Variants in CSMD3 observed in about 807,000 individuals in gnomAD.
CSMD3 encodes the protein CUB and Sushi multiple domains 3.
A neutral mutation model predicts 435.2 loss-of-function variants in CSMD3; 177 were observed. The observed-to-expected ratio is 0.41, with a 90% confidence interval of 0.36 to 0.46. The LOEUF is 0.46. CSMD3 is among the 20% of genes least tolerant of loss of function. The probability of loss-of-function intolerance (pLI) is 0.34; values close to 1 mark genes in which losing one functional copy is unlikely to be tolerated. For missense variants in CSMD3, 4,265 were observed against 4,504.6 expected (o/e 0.95, Z 1.52); for synonymous variants, 1,656 against 1,520.5 (o/e 1.09, Z -2.07).
At chr8:112,316,491 A>C (rs1822483066) in intron 47 of CSMD3, among the ~76,000 whole-genome samples, 1 of 151,832 alleles carries the variant, frequency 6.6e-6, no homozygotes, top group Admixed American at 6.6e-5. Context: ...GGTATGATCC[A>C]ATATACTTTA....
At chr8:113,153,770 A>C (rs896720887) in intron 4 of CSMD3, among the ~76,000 whole-genome samples, 2 of 152,064 alleles carry the variant, frequency 1.3e-5, no homozygotes, top group African/African-American at 4.8e-5. Flanking sequence ...GAGTTGGATC[A>C]AAGCTATTCT....
chr8:112,776,574 G>T (rs1246218045), intron 13 of CSMD3, among the ~76,000 whole-genome samples: 1 of 151,424 alleles, frequency 6.6e-6, no homozygotes, highest in Non-Finnish European at 1.5e-5. Flanking sequence ...CCATTTTCTT[G>T]AACATTAATC....
chr8:112,381,394 T>C (rs1016160019), intron 37 of CSMD3, among the ~76,000 whole-genome samples: 3 of 152,234 alleles, frequency 2.0e-5, no homozygotes, highest in African/African-American at 7.2e-5. Context: ...ATTTCTTGAC[T>C]TTGCTATTGA....
intron 38 of CSMD3, among the ~76,000 whole-genome samples, chr8:112,377,764 A>G (rs1829084837): frequency 6.6e-6 from 1 of 152,134 alleles, no homozygotes; most frequent in Admixed American, 6.6e-5. Flanking sequence ...TGTATCAATG[A>G]ATGCAAAAAA....
At chr8:112,296,892 AATGAAGTGATAT>A (rs1820346571) in intron 53 of CSMD3, among the ~76,000 whole-genome samples, 1 of 151,944 alleles carries the variant, frequency 6.6e-6, no homozygotes, top group African/African-American at 2.4e-5. Flanking sequence ...CAATAACAGG[AATGAAGTGATAT>A]CACTATAAAG....
chr8:112,486,005 GA>G (rs1357455010), intron 31 of CSMD3, among the ~76,000 whole-genome samples: 1 of 147,958 alleles, frequency 6.8e-6, no homozygotes, highest in Non-Finnish European at 1.5e-5. Context: ...GTATTGAAAA[GA>G]ACAGAGCTAG....
At chr8:112,457,525 G>A (rs1816960663) in intron 32 of CSMD3, among the ~76,000 whole-genome samples, 2 of 152,050 alleles carry the variant, frequency 1.3e-5, no homozygotes, top group Admixed American at 6.6e-5. Flanking sequence ...TATATGAAAT[G>A]ATACAGTTCT....
chr8:112,429,018 C>T (rs956500648), intron 32 of CSMD3, among the ~76,000 whole-genome samples: 3 of 152,060 alleles, frequency 2.0e-5, no homozygotes, highest in African/African-American at 4.8e-5. Flanking sequence ...GCATATGCAT[C>T]ACCTCACAAA....
At chr8:113,042,502 A>T (rs1255800991) in intron 5 of CSMD3, among the ~76,000 whole-genome samples, 1 of 152,188 alleles carries the variant, frequency 6.6e-6, no homozygotes, top group East Asian at 1.9e-4. Context: ...GCATTATAAT[A>T]TAATCTAACG....
chr8:112,501,968 T>A (rs1586536089), intron 30 of CSMD3, among the ~76,000 whole-genome samples: 2 of 152,200 alleles, frequency 1.3e-5, no homozygotes. Flanking sequence ...ATACAAAATT[T>A]GTATGAAAAT....
At chr8:112,455,720 A>G (rs1475439547) in intron 32 of CSMD3, among the ~76,000 whole-genome samples, 1 of 152,066 alleles carries the variant, frequency 6.6e-6, no homozygotes, top group African/African-American at 2.4e-5. Context: ...TTTACAGATG[A>G]GGAAACTGAG....
At chr8:112,756,948 T>C (rs935436939) in intron 13 of CSMD3, among the ~76,000 whole-genome samples, 4 of 152,120 alleles carry the variant, frequency 2.6e-5, no homozygotes, top group African/African-American at 9.6e-5. Flanking sequence ...TTTGTATTTT[T>C]AGTAGAGACG....
intron 12 of CSMD3, among the ~76,000 whole-genome samples, chr8:112,804,230 A>G (rs57873127): frequency 0.011 from 1,646 of 152,262 alleles, 33 homozygotes; most frequent in African/African-American, 0.038. Flanking sequence ...CCAAATTCAA[A>G]TTAGAGGAAG....
At chr8:113,050,337 A>G (rs754608981) in intron 5 of CSMD3, among the ~76,000 whole-genome samples, 4 of 152,064 alleles carry the variant, frequency 2.6e-5, no homozygotes, top group Non-Finnish European at 4.4e-5. Context: ...TTTTAAACCT[A>G]TCACATTTAA....
chr8:113,335,439 C>A (rs2094064992), intron 1 of CSMD3, among the ~76,000 whole-genome samples: 1 of 150,354 alleles, frequency 6.7e-6, no homozygotes, highest in South Asian at 2.1e-4. Flanking sequence ...AATAATATTT[C>A]TCTATTATTT....
At chr8:113,169,173 G>A (rs1322268077) in intron 4 of CSMD3, among the ~76,000 whole-genome samples, 1 of 152,094 alleles carries the variant, frequency 6.6e-6, no homozygotes, top group African/African-American at 2.4e-5. Context: ...TCAAGCTGCT[G>A]TTCTTATTTC....
intron 5 of CSMD3, among the ~76,000 whole-genome samples, chr8:113,059,999 T>TA (rs1309294743): frequency 8.3e-6 from 1 of 119,902 alleles, no homozygotes; most frequent in African/African-American, 2.6e-5. Context: ...TTATTTATTT[T>TA]TTTTTTATTA....
rs749533537 is a variant in CSMD3, at chr8:113,173,845, C to T, written c.586G>A (p.Val196Ile). ...CAGCTGTAGCGGATCTTGTCCCCGA[C>T]GTCGAATCTTGTGCCATATAATACA... The part of the protein sequence containing the change: ...KGVLYGTRFD[V>I]GDKIRYSCVT... The change falls in exon 4 of 71, where the codon GTC (valine) becomes ATC (isoleucine). Residue 196 changes from valine to isoleucine, a missense_variant. Around this residue, in one of 3 missense-constraint regions of CSMD3, gnomAD observed 731 missense variants for 755.4 expected, o/e 0.97. Transcript: ENST00000297405. 8.7e-6 allele frequency: 14 copies of T among 1,613,862 alleles called. No individual in the cohort carries two copies. In the Admixed American group the frequency reaches 1.2e-4, roughly 13 times the overall value.
At chr8:112,743,949 A>G (rs1032516229) in intron 13 of CSMD3, among the ~76,000 whole-genome samples, 1 of 152,034 alleles carries the variant, frequency 6.6e-6, no homozygotes, top group African/African-American at 2.4e-5. Flanking sequence ...ATCTGATATA[A>G]CCGCCAGGTA....
Sources: gnomAD v4.1 joint callset for allele counts (sites outside exome capture counted in the v4.1 genomes callset) on GRCh38, gnomAD v4.1.1 for gene constraint, gnomAD v4.1.1 regional missense constraint, MANE v1.5 for transcripts, NCBI Gene and HGNC (gene_info 2026-07-23, HGNC 2026-07-21) for gene names.